The following WDR3 variants were observed in gnomAD, a reference collection of about 807,000 sequenced individuals.
WDR3 encodes WD repeat-containing protein 3.
Under a neutral mutation model 123.7 loss-of-function variants are expected in WDR3, and 81 were observed. The observed-to-expected ratio is 0.65, with a 90% CI of 0.55 to 0.79. WDR3 has a LOEUF of 0.79. WDR3 is among the 30% of genes least tolerant of loss of function. The probability of loss-of-function intolerance (pLI) is 0.00; values close to 1 mark genes in which losing one functional copy is unlikely to be tolerated. For synonymous variants in WDR3, 390 were observed against 388.8 expected, an observed-to-expected ratio of 1.00 and a Z score of -0.04; for missense variants, 1,027 against 1,123.2, an observed-to-expected ratio of 0.91 and a Z score of 1.22.
At chr1:117,948,035 T>C (rs1191502989) in intron 12 of WDR3, among the ~76,000 whole-genome samples, 3 of 152,218 alleles carry the variant, frequency 2.0e-5, no homozygotes, top group African/African-American at 4.8e-5. Context: ...GCTTAAAGGA[T>C]TGGCTAAACT....
At position 117,959,493 on chromosome 1, in the gene WDR3, G is replaced by A; in HGVS notation, c.*46G>A. On this transcript the variant is annotated 3_prime_UTR_variant, in exon 27 of 27. Transcript: ENST00000349139. ...TTTTTTTTCAACTTTTTCCTTTAAA[G>A]GACTCCTAAACTAAGCACAGAAGAG... is the stretch of plus-strand genomic sequence containing the variant. The A allele has an allele frequency of 6.5e-7, 1 of 1,528,316 alleles. No individual in the cohort carries two copies. Among genetic ancestry groups the A allele is most frequent in the Non-Finnish European group, 8.8e-7 (1 of 1,138,892 alleles). The allele number at this position is 1,528,316 out of a possible 1,614,324, so 94.7% of individuals were successfully genotyped here.
rs1304837935 is a variant in WDR3, at chr1:117,960,754, C to CT, written c.*1310dup. 1.3e-5 allele frequency: 2 copies of CT among 152,132 alleles called. No individual in the cohort carries two copies. Among genetic ancestry groups the CT allele is most frequent in the Non-Finnish European group, 2.9e-5 (2 of 68,038 alleles). The allele number at this position is 152,132 out of a possible 1,614,324, so 9.4% of individuals were successfully genotyped here. A position where few individuals can be genotyped will look rare whatever the true frequency, so the allele number is the denominator to read the frequency against. On this transcript the variant is annotated 3_prime_UTR_variant, in exon 27 of 27. Transcript: ENST00000349139. ...ATGCAGCTATGATTTAATACTGCAT[C>CT]TTTACATTATTTTACATTTCTCCCA...
chr1:117,933,265 G>A (rs764996455), intron 1 of WDR3, 23 bp from the exon 2 acceptor site: 55 of 1,593,136 alleles, frequency 3.5e-5, no homozygotes, highest in Non-Finnish European at 4.5e-5. Context: ...AAGGAGCTGA[G>A]TTTTCTTTGT....
At chr1:117,938,332 T>C (rs944623999) in intron 4 of WDR3, 148 bp from the exon 5 acceptor site, 21 of 588,008 alleles carry the variant, frequency 3.6e-5, no homozygotes, top group African/African-American at 3.0e-4. Context: ...TTCTTTGCTT[T>C]TCAAAAGTAA....
intron 19 of WDR3, 46 bp downstream of exon 19, chr1:117,952,708 C>T: frequency 1.3e-6 from 2 of 1,598,574 alleles, no homozygotes; most frequent in Non-Finnish European, 1.7e-6. Context: ...AGGTATCTGA[C>T]AGGCTGTCCT....
intron 20 of WDR3, 59 bp from the exon 21 acceptor site, chr1:117,953,417 A>G: frequency 6.6e-7 from 1 of 1,526,478 alleles, no homozygotes; most frequent in Admixed American, 1.7e-5. Flanking sequence ...AGATTAATTT[A>G]TCAGCTCTTT....
chr1:117,933,664 C>A, intron 2 of WDR3, 174 bp downstream of exon 2: 1 of 766,504 alleles, frequency 1.3e-6, no homozygotes, highest in Non-Finnish European at 2.2e-6. Flanking sequence ...CCTTTGTGTT[C>A]TTCGCCACTG....
intron 3 of WDR3, 118 bp downstream of exon 3, chr1:117,934,800 T>C: frequency 2.1e-6 from 2 of 975,442 alleles, no homozygotes; most frequent in Non-Finnish European, 3.0e-6. Flanking sequence ...TACAAAGTAG[T>C]ATAATGATAG....
intron 4 of WDR3, among the ~76,000 whole-genome samples, chr1:117,937,335 A>G (rs1016237218): frequency 1.3e-5 from 2 of 152,244 alleles, no homozygotes; most frequent in Non-Finnish European, 2.9e-5. Flanking sequence ...ATTTGTGTAC[A>G]TAAAAAATCA....
At chr1:117,936,492 A>G (rs1650950015) in intron 3 of WDR3, among the ~76,000 whole-genome samples, 1 of 152,166 alleles carries the variant, frequency 6.6e-6, no homozygotes, top group Non-Finnish European at 1.5e-5. Context: ...GAATAAAGAA[A>G]AGGTTGTAAA....
intron 1 of WDR3, among the ~76,000 whole-genome samples, chr1:117,932,195 A>C (rs1165333616): frequency 6.6e-6 from 1 of 152,232 alleles, no homozygotes; most frequent in Non-Finnish European, 1.5e-5. Flanking sequence ...GAATTTAATA[A>C]AAGTGCAGAA....
Position 117,954,603 on chromosome 1 carries a change from C to T in WDR3, c.2385C>T (p.Ile795=). The change falls in exon 23 of 27, where the codon ATC becomes ATT. Residue 795 remains isoleucine (I), a synonymous_variant. Coordinates refer to ENST00000349139, the MANE Select transcript of WDR3 (RefSeq NM_006784.3). The part of the protein sequence containing the change: ...GKEVPLPSNP[I]LMAYGSISPS... ...AGGTTCCACTTCCCAGCAACCCCATCCTAATGGCTTATGGCAGTATCTCAG... is the reference window on the plus strand; with the variant it reads ...AGGTTCCACTTCCCAGCAACCCCATTCTAATGGCTTATGGCAGTATCTCAG... 6.2e-7 allele frequency: 1 copy of T among 1,612,590 alleles called. No individual in the cohort carries two copies. Among genetic ancestry groups the T allele is most frequent in the East Asian group, 2.2e-5 (1 of 44,856 alleles).
At position 117,947,074 on chromosome 1, in the gene WDR3, C is replaced by T. The variant is rs1651435649; in HGVS notation, c.1422+895C>T. Among the ~76,000 whole-genome samples, 4 of 152,150 alleles carry T rather than the reference C, an allele frequency of 2.6e-5. No homozygotes were observed. In the South Asian group the frequency reaches 8.3e-4, roughly 31 times the overall value. ...TCGTACCAGATGGACTGGTACCAGC[C>T]TCTGGCACTTACTAGCTATGTGACC... On this transcript the variant is annotated intron_variant, in intron 12 of 26. Coordinates refer to ENST00000349139, the MANE Select transcript of WDR3 (RefSeq NM_006784.3).
rs537675666 is a variant in WDR3 at position 117,940,873 on chromosome 1, C to T, written c.722C>T (p.Ser241Phe). The T allele has an allele frequency of 9.3e-6, 15 of 1,614,000 alleles. No individual in the cohort carries two copies. In the South Asian group the frequency reaches 1.2e-4, roughly 13 times the overall value. The change falls in exon 7 of 27, where the codon TCT becomes TTT. Residue 241 changes from serine (S) to phenylalanine (F), a missense_variant. Ser to Phe is a radical substitution (Grantham distance 155). Coordinates refer to ENST00000349139, the MANE Select transcript of WDR3 (RefSeq NM_006784.3). ...GACCCCAAGAAAATCAAAGGATCTT[C>T]TCCTGGAATACAAGATACTCTTGAG... Reference protein sequence around the residue: ...EPDPKKIKGSSPGIQDTLEAE... With the variant: ...EPDPKKIKGSFPGIQDTLEAE...
chr1:117,930,068 C>G (rs931319231), intron 1 of WDR3: 2 of 152,534 alleles, frequency 1.3e-5, no homozygotes, highest in Non-Finnish European at 2.9e-5. Flanking sequence ...GTGTGGAACC[C>G]TCCGTCACCC....
In WDR3 at chr1:117,960,960, G is replaced by C. The variant is rs1652999010; in HGVS notation, c.*1513G>C. The stretch of plus-strand genomic sequence containing the variant: ...ATCTGAAACTTTTCTCATTGTTTCA[G>C]ATCTCCAAAAATTTTTCCAATATAT... On this transcript the variant is annotated 3_prime_UTR_variant, in exon 27 of 27. Transcript: ENST00000349139. 6.6e-6 allele frequency: 1 copy of C among 152,002 alleles called. No homozygotes were observed. The highest frequency in any genetic ancestry group is 1.5e-5 in the Non-Finnish European group (1 of 68,000). The allele number at this position is 152,002 out of a possible 1,614,324, so 9.4% of individuals were successfully genotyped here. A position where few individuals can be genotyped will look rare whatever the true frequency, so the allele number is the denominator to read the frequency against.
At chr1:117,939,696 C>T in intron 6 of WDR3, 124 bp downstream of exon 6, 1 of 896,328 alleles carries the variant, frequency 1.1e-6, no homozygotes, top group Non-Finnish European at 1.7e-6. Context: ...ACACCAATAA[C>T]CTGCAACACT....
At chr1:117,945,380 G>C (rs1241843164) in intron 11 of WDR3, among the ~76,000 whole-genome samples, 5 of 152,158 alleles carry the variant, frequency 3.3e-5, no homozygotes, top group Non-Finnish European at 7.3e-5. Context: ...TCTTATGGCT[G>C]TTGTGCTCCC....
intron 20 of WDR3, 81 bp from the exon 21 acceptor site, chr1:117,953,395 C>A: frequency 1.5e-6 from 2 of 1,342,016 alleles, no homozygotes; most frequent in South Asian, 1.2e-5. Context: ...TAGCTGTTCT[C>A]ATATGGATGT....
Sources: allele counts gnomAD v4.1 joint callset (sites outside exome capture counted in the v4.1 genomes callset), GRCh38; gene constraint gnomAD v4.1.1; transcripts MANE v1.5; gene names NCBI Gene and HGNC (gene_info 2026-07-23, HGNC 2026-07-21).